The following UBL3 variants were observed in gnomAD, a reference collection of about 807,000 sequenced individuals.
UBL3 encodes ubiquitin like 3.
In UBL3, 6 loss-of-function variants were observed where a neutral mutation model predicts 18.4. That is an observed-to-expected ratio of 0.33 (90% CI 0.18 to 0.64). The LOEUF (loss-of-function observed/expected upper bound fraction) is 0.64, where lower values mean the gene tolerates loss of function less well. Ranked by LOEUF, UBL3 falls within the 30% of genes least tolerant of loss-of-function variation. The probability of loss-of-function intolerance (pLI) is 0.76; values close to 1 mark genes in which losing one functional copy is unlikely to be tolerated. For synonymous variants in UBL3, 49 were observed against 46.6 expected (o/e 1.05, Z -0.21); for missense variants, 109 against 142.9 (o/e 0.76, Z 1.21).
chr13:29,785,092 G>C (rs1360528957), intron 1 of UBL3, among the ~76,000 whole-genome samples: 1 of 152,150 alleles, frequency 6.6e-6, no homozygotes, highest in Non-Finnish European at 1.5e-5. Flanking sequence ...TTTTAGTAGA[G>C]ATGGGGTTTC....
At chr13:29,796,067 C>A (rs1020139120) in intron 1 of UBL3, among the ~76,000 whole-genome samples, 4 of 151,818 alleles carry the variant, frequency 2.6e-5, no homozygotes, top group Admixed American at 6.6e-5. Context: ...CTTGAAAGAT[C>A]TACCGCAAAG....
chr13:29,796,336 T>G (rs1180387635), intron 1 of UBL3, among the ~76,000 whole-genome samples: 1 of 152,214 alleles, frequency 6.6e-6, no homozygotes, highest in Non-Finnish European at 1.5e-5. Context: ...TTACTTAACT[T>G]ACAAATCTGT....
At position 29,777,234 on chromosome 13, in the gene UBL3, T is replaced by C; in HGVS notation, c.57A>G (p.Gly19=). 1 of 1,609,864 alleles carries C rather than the reference T, an allele frequency of 6.2e-7. No individual in the cohort carries two copies. ...MINLRLILVS[G]KTKEFLFSPN... ...GAGAAAACAGGAACTCTTTTGTTTT[T>C]CCGCTTACCAAAATGAGGCGCAAAT... The change falls in exon 2 of 5, where the codon GGA becomes GGG. Residue 19 remains glycine, a synonymous_variant. Transcript: ENST00000380680.
intron 1 of UBL3, among the ~76,000 whole-genome samples, chr13:29,837,644 G>T (rs1345709405): frequency 6.6e-6 from 1 of 152,064 alleles, no homozygotes; most frequent in Non-Finnish European, 1.5e-5. Flanking sequence ...AATCATGCCT[G>T]TAATCCCAAC....
At chr13:29,784,839 G>GCACACA (rs58557958) in intron 1 of UBL3, among the ~76,000 whole-genome samples, 3 of 150,472 alleles carry the variant, frequency 2.0e-5, no homozygotes, top group South Asian at 2.1e-4. Flanking sequence ...ATACACACAT[G>GCACACA]CACACACACA....
chr13:29,777,326 T>C (rs1203356342), intron 1 of UBL3, 63 bp from the exon 2 acceptor site: 10 of 1,313,068 alleles, frequency 7.6e-6, no homozygotes, highest in Non-Finnish European at 1.1e-5. Flanking sequence ...AAAAGAAGAC[T>C]CAAAGGCTTT....
chr13:29,841,424 T>C (rs145878858), intron 1 of UBL3, among the ~76,000 whole-genome samples: 1 of 152,318 alleles, frequency 6.6e-6, no homozygotes, highest in Non-Finnish European at 1.5e-5. Context: ...ATCCACTGTG[T>C]AACAAATATA....
intron 1 of UBL3, among the ~76,000 whole-genome samples, chr13:29,792,913 C>A (rs1417447649): frequency 6.6e-6 from 1 of 152,184 alleles, no homozygotes; most frequent in Non-Finnish European, 1.5e-5. Flanking sequence ...TGCATCTGTG[C>A]ATACTTTCTA....
intron 1 of UBL3, among the ~76,000 whole-genome samples, chr13:29,792,410 A>AATAAAT (rs1401084614): frequency 1.8e-4 from 28 of 152,248 alleles, no homozygotes; most frequent in Non-Finnish European, 3.5e-4. Context: ...GAAAAAAATA[A>AATAAAT]AAATAAATAA....
intron 1 of UBL3, among the ~76,000 whole-genome samples, chr13:29,809,213 C>G (rs567835190): frequency 7.9e-5 from 12 of 152,062 alleles, no homozygotes; most frequent in African/African-American, 2.7e-4. Context: ...ACAGGGTCAA[C>G]AGGGTCCTAG....
At chr13:29,799,227 A>G (rs1430575500) in intron 1 of UBL3, among the ~76,000 whole-genome samples, 1 of 152,202 alleles carries the variant, frequency 6.6e-6, no homozygotes, top group African/African-American at 2.4e-5. Context: ...TGCCCCCGGC[A>G]AAGTTGTGGC....
intron 1 of UBL3, among the ~76,000 whole-genome samples, chr13:29,788,741 A>G (rs1055540887): frequency 7.2e-5 from 11 of 152,182 alleles, no homozygotes; most frequent in Non-Finnish European, 1.5e-4. Flanking sequence ...ATGCTAAGAA[A>G]AAAAGAATTC....
intron 3 of UBL3, among the ~76,000 whole-genome samples, chr13:29,769,739 C>T (rs1320666468): frequency 1.3e-5 from 2 of 152,086 alleles, no homozygotes; most frequent in Non-Finnish European, 2.9e-5. Flanking sequence ...TGAAATGAAA[C>T]TCTATATGGC....
intron 2 of UBL3, among the ~76,000 whole-genome samples, chr13:29,775,640 G>C (rs1232888509): frequency 3.3e-5 from 5 of 151,964 alleles, no homozygotes; most frequent in African/African-American, 1.2e-4. Flanking sequence ...TTTTGAGACA[G>C]AGTCTTGCTC....
chr13:29,777,093 G>A, intron 2 of UBL3, 62 bp downstream of exon 2: 1 of 1,210,574 alleles, frequency 8.3e-7, no homozygotes, highest in Non-Finnish European at 1.1e-6. Flanking sequence ...CAAAATGTTT[G>A]TGAGACAAGG....
intron 1 of UBL3, among the ~76,000 whole-genome samples, chr13:29,784,044 T>A (rs1303631464): frequency 6.6e-6 from 1 of 152,242 alleles, no homozygotes; most frequent in Non-Finnish European, 1.5e-5. Context: ...ACTACCATGA[T>A]GATTTCCTGT....
chr13:29,800,445 G>A (rs1877731384), intron 1 of UBL3, among the ~76,000 whole-genome samples: 1 of 152,100 alleles, frequency 6.6e-6, no homozygotes, highest in South Asian at 2.1e-4. Flanking sequence ...ATCATAAGCT[G>A]TAAAAAATAT....
At chr13:29,827,617 T>A (rs1474097096) in intron 1 of UBL3, among the ~76,000 whole-genome samples, 1 of 152,224 alleles carries the variant, frequency 6.6e-6, no homozygotes, top group East Asian at 1.9e-4. Context: ...CACTGATGGG[T>A]CTTGACTCTT....
At chr13:29,814,751 T>C (rs1432547265) in intron 1 of UBL3, among the ~76,000 whole-genome samples, 1 of 152,154 alleles carries the variant, frequency 6.6e-6, no homozygotes, top group African/African-American at 2.4e-5. Context: ...TGGCCATGTG[T>C]GGTTGCAGTC....
Sources: allele counts gnomAD v4.1 joint callset (sites outside exome capture counted in the v4.1 genomes callset), GRCh38; gene constraint gnomAD v4.1.1; transcripts MANE v1.5; gene names NCBI Gene and HGNC (gene_info 2026-07-23, HGNC 2026-07-21).